PACRG: variants seen among roughly 807,000 people sequenced by gnomAD.
PACRG encodes parkin coregulated gene protein.
Under a neutral mutation model 29.7 loss-of-function variants are expected in PACRG, and 29 were observed. That is an observed-to-expected ratio of 0.98 (90% confidence interval 0.73 to 1.33). The LOEUF is 1.33. PACRG is among the 40% of genes most tolerant of loss of function. PACRG has a pLI of 0.00. For synonymous variants in PACRG, 116 were observed against 118.7 expected, an observed-to-expected ratio of 0.98 and a Z score of 0.15; for missense variants, 279 against 316.2, an observed-to-expected ratio of 0.88 and a Z score of 0.89.
chr6:162,858,867 G>T (rs1791620289), intron 2 of PACRG, among the ~76,000 whole-genome samples: 3 of 152,200 alleles, frequency 2.0e-5, no homozygotes, highest in Non-Finnish European at 2.9e-5. Context: ...GGCCTTCCCT[G>T]CGGTCATGGC....
chr6:163,183,662 C>T (rs1181944244), intron 4 of PACRG: 7 of 152,126 alleles, frequency 4.6e-5, no homozygotes, highest in East Asian at 1.9e-4. Flanking sequence ...TGTGGTCACT[C>T]CTTTTATTAG....
chr6:163,235,437 G>C (rs1282305637), intron 4 of PACRG, among the ~76,000 whole-genome samples: 1 of 152,176 alleles, frequency 6.6e-6, no homozygotes, highest in Non-Finnish European at 1.5e-5. Flanking sequence ...AGAGGAGGTG[G>C]TGTTGGTGAC....
At chr6:163,174,742 G>A (rs988181072) in intron 4 of PACRG, among the ~76,000 whole-genome samples, 1 of 151,972 alleles carries the variant, frequency 6.6e-6, no homozygotes, top group African/African-American at 2.4e-5. Context: ...CTCATTCAAG[G>A]TGAAAACAGC....
At chr6:163,131,235 G>C (rs1185695598) in intron 4 of PACRG, among the ~76,000 whole-genome samples, 6 of 149,546 alleles carry the variant, frequency 4.0e-5, no homozygotes, top group Admixed American at 6.8e-5. Flanking sequence ...GTGAACCCGG[G>C]AGGCGTAGCT....
chr6:163,045,391 G>A lies in PACRG; in HGVS notation c.292-16759G>A, dbSNP rs193122853. 3.7e-3 allele frequency among the ~76,000 whole-genome samples: 570 copies of A among 152,214 alleles called. 4 individuals carry two copies. Among genetic ancestry groups the A allele is most frequent in the African/African-American group, 0.013 (527 of 41,538 alleles). ...ATGAACAACTGCAAAGAAACCCTCTGTTATTTCTATTATTTGAGTTACCTG... is the reference window on the plus strand; with the variant it reads ...ATGAACAACTGCAAAGAAACCCTCTATTATTTCTATTATTTGAGTTACCTG... On this transcript the variant is annotated intron_variant, in intron 2 of 4. Coordinates refer to ENST00000366888, the MANE Select transcript of PACRG (RefSeq NM_001080379.2).
chr6:162,744,233 G>A (rs543881663), intron 1 of PACRG, among the ~76,000 whole-genome samples: 1 of 152,228 alleles, frequency 6.6e-6, no homozygotes, highest in South Asian at 2.1e-4. Flanking sequence ...TTTTTTGTCT[G>A]TAGTTATTCT....
intron 4 of PACRG, among the ~76,000 whole-genome samples, chr6:163,176,721 G>T (rs796089234): frequency 9.2e-5 from 14 of 152,320 alleles, no homozygotes; most frequent in African/African-American, 3.4e-4. Flanking sequence ...GGTTTCCTAA[G>T]ACATTTCACT....
At chr6:162,775,989 CT>C (rs1037891159) in intron 1 of PACRG, among the ~76,000 whole-genome samples, 1 of 151,824 alleles carries the variant, frequency 6.6e-6, no homozygotes, top group Non-Finnish European at 1.5e-5. Context: ...TTGGGAAGCC[CT>C]TTTTAAGAAA....
At chr6:162,875,672 G>A (rs1323658320) in intron 2 of PACRG, among the ~76,000 whole-genome samples, 1 of 152,210 alleles carries the variant, frequency 6.6e-6, no homozygotes, top group African/African-American at 2.4e-5. Flanking sequence ...CTATGTCCAA[G>A]GCTGGTTTTC....
At position 162,987,217 on chromosome 6, in the gene PACRG, A is replaced by G. The variant is rs1438707734; in HGVS notation, c.292-74933A>G. Among the ~76,000 whole-genome samples, 14 of 152,036 alleles carry G rather than the reference A, an allele frequency of 9.2e-5. 1 individual carries two copies. The highest frequency in any genetic ancestry group is 9.2e-4 in the Admixed American group (14 of 15,258). Reference sequence around the variant, plus strand: ...TTTTGTCCCATGAGTTGATCCCTTGATGTGTTGTGTTCCCACTTCCCCTAA... The same window carrying G: ...TTTTGTCCCATGAGTTGATCCCTTGGTGTGTTGTGTTCCCACTTCCCCTAA... On this transcript the variant is annotated intron_variant, in intron 2 of 4. Transcript: ENST00000366888.
In PACRG at chr6:163,314,850, T is replaced by C. The variant is rs763318008; in HGVS notation, c.637T>C (p.Tyr213His). 1 of 1,614,104 alleles carries C rather than the reference T, an allele frequency of 6.2e-7. No homozygotes were observed. The highest frequency in any genetic ancestry group is 1.7e-5 in the Admixed American group (1 of 60,018). Reference protein sequence around the residue: ...MNVNSGDGIDYSQQKRENIGD... With the variant: ...MNVNSGDGIDHSQQKRENIGD... ...AGTGAACTCCGGAGACGGCATTGACTACAGCCAGCAGAAGAGGGAGAACAT... is the reference window on the plus strand; with the variant it reads ...AGTGAACTCCGGAGACGGCATTGACCACAGCCAGCAGAAGAGGGAGAACAT... Residue 213 changes from tyrosine to histidine, a missense_variant, in exon 5 of 5, where the codon TAC (tyrosine) becomes CAC (histidine). Transcript: ENST00000366888.
intron 4 of PACRG, among the ~76,000 whole-genome samples, chr6:163,175,814 A>G (rs975401492): frequency 3.3e-5 from 5 of 151,754 alleles, no homozygotes; most frequent in Admixed American, 6.6e-5. Flanking sequence ...TCCACTGAGG[A>G]ATCCCAGCAT....
intron 4 of PACRG, among the ~76,000 whole-genome samples, chr6:163,132,306 C>T (rs887969651): frequency 6.6e-6 from 1 of 152,244 alleles, no homozygotes; most frequent in South Asian, 2.1e-4. Context: ...TAATCAATCA[C>T]CTTTTTAAGA....
intron 4 of PACRG, among the ~76,000 whole-genome samples, chr6:163,256,100 A>G (rs936237182): frequency 2.0e-5 from 3 of 152,182 alleles, no homozygotes; most frequent in South Asian, 2.1e-4. Flanking sequence ...TTTTTCTATG[A>G]ATTTTTAAAC....
chr6:163,298,364 G>T (rs938783284), intron 4 of PACRG, among the ~76,000 whole-genome samples: 1 of 151,978 alleles, frequency 6.6e-6, no homozygotes, highest in South Asian at 2.1e-4. Flanking sequence ...TTTTATAGAC[G>T]CTGGATTGGC....
At chr6:163,020,422 A>G (rs1806502291) in intron 2 of PACRG, among the ~76,000 whole-genome samples, 1 of 151,750 alleles carries the variant, frequency 6.6e-6, no homozygotes, top group Admixed American at 6.6e-5. Flanking sequence ...CAATAAAAAT[A>G]AAACCAAACA....
rs554453026 is a variant in PACRG, at chr6:162,801,796, TTAA to T, written c.157-12347_157-12345del. On this transcript the variant is annotated intron_variant, in intron 1 of 4. Transcript: ENST00000366888. ...TTTGGTTATAAGATTGTAGTAATAATTAATAACTACTTAAATTTATAAAATTTA... is the reference window on the plus strand; with the variant it reads ...TTTGGTTATAAGATTGTAGTAATAATTAACTACTTAAATTTATAAAATTTA... Among the ~76,000 whole-genome samples the T allele has an allele frequency of 1.0e-3, 158 of 152,198 alleles. 1 individual carries two copies. Among genetic ancestry groups the T allele is most frequent in the African/African-American group, 3.7e-3 (153 of 41,556 alleles).
chr6:162,859,202 T>C (rs1286701572), intron 2 of PACRG, among the ~76,000 whole-genome samples: 1 of 152,188 alleles, frequency 6.6e-6, no homozygotes, highest in Non-Finnish European at 1.5e-5. Context: ...TTTGTACCTT[T>C]GTTCTCTCAC....
chr6:162,996,922 A>C (rs1475542944), intron 2 of PACRG, among the ~76,000 whole-genome samples: 1 of 152,198 alleles, frequency 6.6e-6, no homozygotes, highest in Non-Finnish European at 1.5e-5. Flanking sequence ...CTATAGTGGC[A>C]TAAGTCATGG....
Sources: allele counts gnomAD v4.1 joint callset (sites outside exome capture counted in the v4.1 genomes callset), GRCh38; gene constraint gnomAD v4.1.1; transcripts MANE v1.5; gene names NCBI Gene and HGNC (gene_info 2026-07-23, HGNC 2026-07-21).